Variants in OTUD7A observed in about 807,000 individuals in gnomAD.
OTUD7A encodes the protein OTU domain-containing protein 7A.
A neutral mutation model predicts 65.7 loss-of-function variants in OTUD7A; 12 were observed. The ratio of observed to expected loss-of-function variants is 0.18; its 90% CI spans 0.12 to 0.30. The LOEUF (loss-of-function observed/expected upper bound fraction) is 0.30. Among genes scored for constraint, OTUD7A ranks in the 10% least tolerant of loss-of-function variants. The probability of loss-of-function intolerance (pLI) is 1.00; values close to 1 mark genes in which losing one functional copy is unlikely to be tolerated. For synonymous variants in OTUD7A, 641 were observed against 586.3 expected (o/e 1.09, Z -1.35); for missense variants, 1,148 against 1,304.8 (o/e 0.88, Z 1.85).
At chr15:31,839,014 G>A (rs1342494151) in intron 1 of OTUD7A, among the ~76,000 whole-genome samples, 1 of 152,220 alleles carries the variant, frequency 6.6e-6, no homozygotes, top group African/African-American at 2.4e-5. Flanking sequence ...TTGGGGTGGG[G>A]AGTTCATGAC....
chr15:31,861,717 C>T (rs751258841), intron 1 of OTUD7A, among the ~76,000 whole-genome samples: 26 of 152,142 alleles, frequency 1.7e-4, no homozygotes, highest in African/African-American at 6.3e-4. Context: ...AATTCTAGGA[C>T]ATATTTCCAA....
At chr15:31,499,293 G>A (rs1267826422) in intron 10 of OTUD7A, among the ~76,000 whole-genome samples, 1 of 152,196 alleles carries the variant, frequency 6.6e-6, no homozygotes, top group Non-Finnish European at 1.5e-5. Flanking sequence ...CTCTGTCACA[G>A]GGTGCTGTTT....
chr15:31,483,784 G>A lies in OTUD7A; in HGVS notation c.2312C>T (p.Pro771Leu). Residue 771 changes from proline (P) to leucine (L), a missense_variant, in exon 13 of 13, where the codon CCG becomes CTG. Pro to Leu is a moderately conservative substitution (Grantham distance 98). Coordinates refer to ENST00000307050, the MANE Select transcript of OTUD7A (RefSeq NM_001382637.1). Reference sequence around the variant, plus strand: ...GATGACGCTCTGGCGCGCTGGCGCCGGGGGGCTGCGGCCAGGCACTGGTCC... The same window carrying A: ...GATGACGCTCTGGCGCGCTGGCGCCAGGGGGCTGCGGCCAGGCACTGGTCC... ...ASGPVPGRSP[P>L]APARQSVIHV... is the part of the protein sequence containing the mutation. 6 of 1,045,042 alleles carry A rather than the reference G, an allele frequency of 5.7e-6. No individual in the cohort carries two copies. The highest frequency in any genetic ancestry group is 6.9e-6 in the Non-Finnish European group (6 of 870,724). The allele number at this position is 1,045,042 out of a possible 1,614,324, so 64.7% of individuals were successfully genotyped here.
chr15:31,699,738 G>A (rs1893170573), intron 1 of OTUD7A, among the ~76,000 whole-genome samples: 1 of 152,032 alleles, frequency 6.6e-6, no homozygotes, highest in African/African-American at 2.4e-5. Flanking sequence ...TTGGATGCAA[G>A]GCAGGTCCTT....
intron 1 of OTUD7A, among the ~76,000 whole-genome samples, chr15:31,814,528 T>C (rs1159851546): frequency 3.8e-5 from 5 of 132,544 alleles, no homozygotes; most frequent in South Asian, 4.5e-4. Context: ...GCGTAAGTTC[T>C]TTTTTTTTTT....
At chr15:31,736,028 T>A in intron 1 of OTUD7A, among the ~76,000 whole-genome samples, 1 of 151,922 alleles carries the variant, frequency 6.6e-6, no homozygotes, top group Middle Eastern at 3.4e-3. Context: ...CATGGACACA[T>A]AGAGGGGAAC....
intron 3 of OTUD7A, among the ~76,000 whole-genome samples, chr15:31,623,617 C>T (rs563497271): frequency 5.9e-5 from 9 of 152,308 alleles, no homozygotes; most frequent in East Asian, 3.9e-4. Context: ...ATTGGAAAAG[C>T]GCAGTATTAG....
At chr15:31,486,415 C>T (rs889129553) in intron 12 of OTUD7A, among the ~76,000 whole-genome samples, 1 of 152,236 alleles carries the variant, frequency 6.6e-6, no homozygotes, top group Non-Finnish European at 1.5e-5. Flanking sequence ...CGCCCGACTC[C>T]TTGACTCATG....
intron 1 of OTUD7A, among the ~76,000 whole-genome samples, chr15:31,678,326 T>C (rs1368870569): frequency 6.6e-6 from 1 of 152,162 alleles, no homozygotes; most frequent in Admixed American, 6.5e-5. Flanking sequence ...AACCAATTTT[T>C]TGAGGAGTAA....
intron 1 of OTUD7A, among the ~76,000 whole-genome samples, chr15:31,754,416 G>A (rs192559374): frequency 4.6e-5 from 7 of 152,156 alleles, no homozygotes; most frequent in Non-Finnish European, 1.0e-4. Flanking sequence ...TGGGCTCTTG[G>A]TCATGAAATC....
intron 1 of OTUD7A, among the ~76,000 whole-genome samples, chr15:31,823,085 T>C (rs567711971): frequency 6.6e-6 from 1 of 152,240 alleles, no homozygotes; most frequent in Non-Finnish European, 1.5e-5. Flanking sequence ...TCAGCCTCTC[T>C]GCAGCCTGTG....
chr15:31,704,617 G>A (rs1346098436), intron 1 of OTUD7A, among the ~76,000 whole-genome samples: 2 of 151,048 alleles, frequency 1.3e-5, no homozygotes, highest in Non-Finnish European at 2.9e-5. Context: ...TTTAATTAAA[G>A]ATATCTCTTT....
chr15:31,636,420 T>C (rs1457065551), intron 3 of OTUD7A, among the ~76,000 whole-genome samples: 1 of 152,196 alleles, frequency 6.6e-6, no homozygotes, highest in African/African-American at 2.4e-5. Context: ...ATAAACGTTG[T>C]GTGTGTTCTG....
intron 1 of OTUD7A, among the ~76,000 whole-genome samples, chr15:31,721,310 T>C (rs1893733777): frequency 6.6e-6 from 1 of 151,970 alleles, no homozygotes. Flanking sequence ...CAGCAGATGG[T>C]TTACAACTGG....
intron 8 of OTUD7A, among the ~76,000 whole-genome samples, chr15:31,506,198 T>C (rs1009921250): frequency 1.3e-5 from 2 of 151,646 alleles, no homozygotes; most frequent in African/African-American, 4.8e-5. Flanking sequence ...AGGTACAATA[T>C]TGAGTTTTAA....
chr15:31,698,384 T>C (rs1893132542), intron 1 of OTUD7A, among the ~76,000 whole-genome samples: 1 of 152,058 alleles, frequency 6.6e-6, no homozygotes, highest in East Asian at 1.9e-4. Flanking sequence ...GCTCTTCTCC[T>C]TCCAGTTCAC....
At chr15:31,821,205 A>G (rs1260642714) in intron 1 of OTUD7A, among the ~76,000 whole-genome samples, 7 of 132,136 alleles carry the variant, frequency 5.3e-5, no homozygotes, top group Non-Finnish European at 1.1e-4. Context: ...GCGCAATCTC[A>G]GCTCACTGCA....
At chr15:31,611,641 C>T (rs7169106) in intron 3 of OTUD7A, among the ~76,000 whole-genome samples, 43,582 of 151,848 alleles carry the variant, frequency 0.29, 7,370 homozygotes, top group African/African-American at 0.47. Flanking sequence ...CAATAACAAG[C>T]AGGGAGATTG....
chr15:31,682,575 C>T (rs1214670865), intron 1 of OTUD7A, among the ~76,000 whole-genome samples: 1 of 152,172 alleles, frequency 6.6e-6, no homozygotes, highest in African/African-American at 2.4e-5. Context: ...TGATTTTTGA[C>T]AAAGGCACAA....
Sources: allele counts gnomAD v4.1 joint callset (sites outside exome capture counted in the v4.1 genomes callset), GRCh38; gene constraint gnomAD v4.1.1; transcripts MANE v1.5; gene names NCBI Gene and HGNC (gene_info 2026-07-23, HGNC 2026-07-21).